Variants in CDH18 observed in about 807,000 individuals in gnomAD.
CDH18 encodes cadherin-18.
In CDH18, 31 loss-of-function variants were observed where a neutral mutation model predicts 67.9. The observed-to-expected ratio is 0.46, with a 90% confidence interval of 0.34 to 0.62. The LOEUF is 0.62. Ranked by LOEUF, CDH18 falls within the 20% of genes least tolerant of loss-of-function variation. The pLI, the probability that CDH18 is intolerant of heterozygous loss-of-function variation, is 0.01. For synonymous variants in CDH18, 362 were observed against 347.2 expected, an observed-to-expected ratio of 1.04 and a Z score of -0.48; for missense variants, 890 against 975.5, an observed-to-expected ratio of 0.91 and a Z score of 1.17.
At chr5:19,641,836 G>T (rs551573092) in intron 5 of CDH18, among the ~76,000 whole-genome samples, 6 of 150,692 alleles carry the variant, frequency 4.0e-5, no homozygotes, top group Non-Finnish European at 8.9e-5. Flanking sequence ...AATTCAACAA[G>T]AAAAAAATAA....
chr5:19,666,393 C>T (rs75019552), intron 5 of CDH18, among the ~76,000 whole-genome samples: 1,881 of 151,570 alleles, frequency 0.012, 37 homozygotes, highest in African/African-American at 0.043. Flanking sequence ...CAGGCATACG[C>T]CACCACACCT....
chr5:20,305,054 T>C, intron 1 of CDH18: 1 of 1,603,716 alleles, frequency 6.2e-7, no homozygotes, highest in Non-Finnish European at 8.5e-7. Context: ...TCCCCATTAG[T>C]TTTGGGATTT....
intron 5 of CDH18, among the ~76,000 whole-genome samples, chr5:19,648,859 A>C (rs1342305024): frequency 6.6e-6 from 1 of 152,064 alleles, no homozygotes; most frequent in Admixed American, 6.6e-5. Flanking sequence ...AGTTAGACAA[A>C]AATGACATTT....
chr5:19,962,378 C>CAAAA lies in CDH18; in HGVS notation c.-257+18678_-257+18681dup, dbSNP rs3065078. Among the ~76,000 whole-genome samples the CAAAA allele has an allele frequency of 2.8e-3, 144 of 51,548 alleles. 1 individual carries two copies. Among genetic ancestry groups the CAAAA allele is most frequent in the African/African-American group, 0.011 (129 of 11,818 alleles). The allele number at this position is 51,548 out of a possible 152,430, so 33.8% of individuals were successfully genotyped here. A position where few individuals can be genotyped will look rare whatever the true frequency, so the allele number is the denominator to read the frequency against. ...AATTTAGAGAATAAACGTCAAAAAG[C>CAAAA]AAAAAAAAAAAAAAAAAAGAAAATT... is the stretch of plus-strand genomic sequence containing the variant. On this transcript the variant is annotated intron_variant, in intron 2 of 12. Coordinates refer to ENST00000382275, the MANE Select transcript of CDH18 (RefSeq NM_004934.5).
At chr5:19,647,785 A>G (rs980098651) in intron 5 of CDH18, among the ~76,000 whole-genome samples, 1 of 152,040 alleles carries the variant, frequency 6.6e-6, no homozygotes, top group African/African-American at 2.4e-5. Context: ...TTCATTATGC[A>G]TACACCCTAG....
chr5:20,316,777 AT>A (rs1301352029), intron 1 of CDH18, among the ~76,000 whole-genome samples: 1 of 152,034 alleles, frequency 6.6e-6, no homozygotes, highest in East Asian at 1.9e-4. Flanking sequence ...TTGTTTATTT[AT>A]TAGCATTTAC....
intron 5 of CDH18, among the ~76,000 whole-genome samples, chr5:19,707,515 C>T (rs1764124255): frequency 6.6e-6 from 1 of 152,162 alleles, no homozygotes. Context: ...GATGTTCAGT[C>T]CTACAGATGA....
chr5:20,352,928 T>C (rs1741327038), intron 1 of CDH18, among the ~76,000 whole-genome samples: 1 of 152,226 alleles, frequency 6.6e-6, no homozygotes, highest in African/African-American at 2.4e-5. Context: ...ATTAAAACAA[T>C]TTGGTAGTAG....
chr5:20,459,529 C>T (rs1472892), intron 1 of CDH18, among the ~76,000 whole-genome samples: 119,700 of 152,046 alleles, frequency 0.79, 47,370 homozygotes, highest in Admixed American at 0.86. Flanking sequence ...TATCCATTTC[C>T]CCACCATGAC....
chr5:20,274,610 A>C (rs1745670161), intron 1 of CDH18, among the ~76,000 whole-genome samples: 1 of 152,178 alleles, frequency 6.6e-6, no homozygotes, highest in African/African-American at 2.4e-5. Flanking sequence ...TATATACATC[A>C]GTGATATTTC....
intron 3 of CDH18, among the ~76,000 whole-genome samples, chr5:19,751,594 T>A (rs2149670932): frequency 6.6e-6 from 1 of 152,302 alleles, no homozygotes; most frequent in Admixed American, 6.5e-5. Context: ...TATTACATTC[T>A]TAAAGTATAG....
chr5:19,665,232 T>C (rs1173612700), intron 5 of CDH18, among the ~76,000 whole-genome samples: 1 of 152,018 alleles, frequency 6.6e-6, no homozygotes, highest in East Asian at 1.9e-4. Flanking sequence ...GAAAGATTTA[T>C]TAGACTCATT....
intron 1 of CDH18, among the ~76,000 whole-genome samples, chr5:20,334,748 T>TCACA (rs1481736288): frequency 1.5e-3 from 177 of 117,594 alleles, no homozygotes; most frequent in African/African-American, 6.4e-3. Flanking sequence ...TCTCTCTCTC[T>TCACA]CTCATACACA....
intron 1 of CDH18, among the ~76,000 whole-genome samples, chr5:20,454,559 G>A (rs1472202778): frequency 6.6e-6 from 1 of 151,974 alleles, no homozygotes; most frequent in Non-Finnish European, 1.5e-5. Flanking sequence ...AGAATAGAGA[G>A]GAATTTGCTG....
chr5:19,687,432 C>A (rs1446768239), intron 5 of CDH18, among the ~76,000 whole-genome samples: 3 of 152,148 alleles, frequency 2.0e-5, no homozygotes, highest in African/African-American at 7.2e-5. Flanking sequence ...GGCATGACAT[C>A]AGTTACACCC....
chr5:19,623,530 T>C (rs1751018569), intron 5 of CDH18, among the ~76,000 whole-genome samples: 1 of 152,194 alleles, frequency 6.6e-6, no homozygotes, highest in African/African-American at 2.4e-5. Flanking sequence ...TGAGAAATAT[T>C]ATCATATAGA....
intron 2 of CDH18, among the ~76,000 whole-genome samples, chr5:19,847,603 A>G (rs568807535): frequency 6.6e-6 from 1 of 152,134 alleles, no homozygotes; most frequent in Admixed American, 6.6e-5. Context: ...CTAGAGATTT[A>G]TATGCCTCTT....
intron 7 of CDH18, among the ~76,000 whole-genome samples, chr5:19,573,541 G>C (rs568094096): frequency 6.6e-6 from 1 of 152,220 alleles, no homozygotes; most frequent in Admixed American, 6.5e-5. Context: ...GCCTCCCAAA[G>C]TGCTGGGATT....
At chr5:20,277,067 G>A (rs559390460) in intron 1 of CDH18, among the ~76,000 whole-genome samples, 45 of 152,254 alleles carry the variant, frequency 3.0e-4, no homozygotes, top group Admixed American at 4.6e-4. Flanking sequence ...CGACATCTCT[G>A]GACCAGAACT....
Sources: gnomAD v4.1 joint callset for allele counts (sites outside exome capture counted in the v4.1 genomes callset) on GRCh38, gnomAD v4.1.1 for gene constraint, MANE v1.5 for transcripts, NCBI Gene and HGNC (gene_info 2026-07-23, HGNC 2026-07-21) for gene names.